ZCCHC7: variants seen among roughly 807,000 people sequenced by gnomAD.
ZCCHC7 encodes the protein zinc finger CCHC-type containing 7, also known as zinc finger CCHC domain-containing protein 7.
ZCCHC7 carries 35 observed loss-of-function variants against 52.0 expected under a neutral mutation model. The observed-to-expected ratio is 0.67, with a 90% CI of 0.51 to 0.89. ZCCHC7 has a LOEUF of 0.89. ZCCHC7 is among the 40% of genes least tolerant of loss of function. ZCCHC7 has a pLI of 0.00. For missense variants in ZCCHC7, 574 were observed against 649.1 expected, an observed-to-expected ratio of 0.88 and a Z score of 1.26; for synonymous variants, 217 against 221.5, an observed-to-expected ratio of 0.98 and a Z score of 0.18.
intron 5 of ZCCHC7, among the ~76,000 whole-genome samples, chr9:37,325,103 C>G (rs1830189481): frequency 6.6e-6 from 1 of 152,178 alleles, no homozygotes; most frequent in African/African-American, 2.4e-5. Context: ...GTTGATTCAT[C>G]TTTGAATTTT....
At chr9:37,259,186 A>G (rs1826744911) in intron 2 of ZCCHC7, among the ~76,000 whole-genome samples, 2 of 152,250 alleles carry the variant, frequency 1.3e-5, no homozygotes, top group Non-Finnish European at 1.5e-5. Flanking sequence ...AGCAAGGGGA[A>G]AAGTACAGTT....
chr9:37,292,546 T>G (rs1035578711), intron 2 of ZCCHC7, among the ~76,000 whole-genome samples: 1 of 152,142 alleles, frequency 6.6e-6, no homozygotes, highest in Non-Finnish European at 1.5e-5. Flanking sequence ...GAAATTCAGA[T>G]AGGGTGTTAT....
intron 2 of ZCCHC7, among the ~76,000 whole-genome samples, chr9:37,200,091 T>C (rs2133157222): frequency 6.6e-6 from 1 of 152,314 alleles, no homozygotes; most frequent in African/African-American, 2.4e-5. Flanking sequence ...ATTCTCTCTT[T>C]TGATTGGGTT....
intron 2 of ZCCHC7, among the ~76,000 whole-genome samples, chr9:37,156,339 T>C (rs1820813131): frequency 6.6e-6 from 1 of 152,228 alleles, no homozygotes; most frequent in Admixed American, 6.5e-5. Flanking sequence ...TGGTTTAATA[T>C]GTTGCTATTA....
rs1481897426 is a variant in ZCCHC7 at position 37,126,293 on chromosome 9, A to T, written c.-21-19A>T. On this transcript the variant is annotated intron_variant, in intron 1 of 8. Coordinates refer to ENST00000336755, the MANE Select transcript of ZCCHC7 (RefSeq NM_032226.3). ...TGAACTTTTAAAGTATATTCTGTGT[A>T]CAACTTTCTCTTTTGCAGCTTCAAG... 5 of 1,577,886 alleles carry T rather than the reference A, an allele frequency of 3.2e-6. No individual in the cohort carries two copies. Among genetic ancestry groups the T allele is most frequent in the Non-Finnish European group, 4.3e-6 (5 of 1,164,822 alleles).
At chr9:37,337,486 G>GGTCGATAGCATT (rs2118409707) in intron 6 of ZCCHC7, among the ~76,000 whole-genome samples, 1 of 148,408 alleles carries the variant, frequency 6.7e-6, no homozygotes, top group East Asian at 2.0e-4. Context: ...TGCATGGGCA[G>GGTCGATAGCATT]ACAAGGTCGA....
intron 5 of ZCCHC7, among the ~76,000 whole-genome samples, chr9:37,321,011 T>A (rs308500): frequency 1.5e-5 from 2 of 136,644 alleles, no homozygotes; most frequent in Admixed American, 7.5e-5. Flanking sequence ...TTTTTTGAGA[T>A]GGAATCTCAC....
At chr9:37,178,590 A>G (rs896748085) in intron 2 of ZCCHC7, among the ~76,000 whole-genome samples, 2 of 152,224 alleles carry the variant, frequency 1.3e-5, no homozygotes, top group African/African-American at 2.4e-5. Flanking sequence ...TCTTATAGTT[A>G]TGATATAAAA....
chr9:37,171,130 A>G lies in ZCCHC7; in HGVS notation c.610+44188A>G, dbSNP rs531286553. On this transcript the variant is annotated intron_variant, in intron 2 of 8. Transcript: ENST00000336755. ...ATGATTTTTAGATTTTACTTGGGGT[A>G]AAATTGGAAGCGACACCTTAAAAAG... Among the ~76,000 whole-genome samples the G allele has an allele frequency of 1.2e-4, 19 of 152,360 alleles. No homozygotes were observed. The East Asian group carries it at 3.5e-3, about 28-fold the overall frequency.
At chr9:37,229,017 G>A (rs1825266741) in intron 2 of ZCCHC7, among the ~76,000 whole-genome samples, 1 of 151,744 alleles carries the variant, frequency 6.6e-6, no homozygotes, top group African/African-American at 2.4e-5. Flanking sequence ...TTGTATTTTA[G>A]TAGAGAAAGG....
chr9:37,280,750 C>G (rs74527710), intron 2 of ZCCHC7, among the ~76,000 whole-genome samples: 4,564 of 152,082 alleles, frequency 0.03, 239 homozygotes, highest in African/African-American at 0.1. Context: ...CTCTCTGTCT[C>G]TCTCTCTCTC....
chr9:37,336,114 G>T (rs1588688333), intron 6 of ZCCHC7, among the ~76,000 whole-genome samples: 1 of 152,222 alleles, frequency 6.6e-6, no homozygotes, highest in African/African-American at 2.4e-5. Context: ...TAGCATAGCA[G>T]TTTTTTGCAC....
At position 37,305,662 on chromosome 9, in the gene ZCCHC7, A is replaced by G. The variant is rs773871319; in HGVS notation, c.899A>G (p.His300Arg). The G allele has an allele frequency of 6.2e-6, 10 of 1,614,144 alleles. No individual in the cohort carries two copies. The highest frequency in any genetic ancestry group is 8.5e-6 in the Non-Finnish European group (10 of 1,180,010). The change falls in exon 5 of 9, where the codon CAT becomes CGT. Residue 300 changes from histidine to arginine, a missense_variant. This residue lies in a region of ZCCHC7 where 403 missense variants were observed against 461.2 expected (regional missense o/e 0.87). Transcript: ENST00000336755. ...TTGGACCACTCATGTCTTTTCAGAC[A>G]TTCCTGGGATAAACAGTGTGACCGA... The part of the protein sequence containing the change: ...KMLDHSCLFR[H>R]SWDKQCDRCH...
At chr9:37,231,574 A>G (rs1236910071) in intron 2 of ZCCHC7, among the ~76,000 whole-genome samples, 2 of 152,222 alleles carry the variant, frequency 1.3e-5, no homozygotes, top group Non-Finnish European at 2.9e-5. Flanking sequence ...TTATAACTCA[A>G]CATTAAGTTG....
chr9:37,216,102 C>A (rs553221823), intron 2 of ZCCHC7, among the ~76,000 whole-genome samples: 1 of 152,236 alleles, frequency 6.6e-6, no homozygotes, highest in African/African-American at 2.4e-5. Context: ...TTAAACTGTT[C>A]CTGACATCCT....
At chr9:37,144,177 CATTTT>C (rs1277213808) in intron 2 of ZCCHC7, among the ~76,000 whole-genome samples, 1 of 151,744 alleles carries the variant, frequency 6.6e-6, no homozygotes. Flanking sequence ...TAAGGCCTAG[CATTTT>C]ATTTTATTTA....
rs1291927421 is a variant in ZCCHC7, at chr9:37,248,104, A to G, written c.611-54084A>G. Among the ~76,000 whole-genome samples the G allele has an allele frequency of 1.3e-5, 2 of 152,166 alleles. 1 individual carries two copies. The highest frequency in any genetic ancestry group is 4.8e-5 in the African/African-American group (2 of 41,444). ...TATGAATGTGTTAAAAATTATTTTT[A>G]GTGTTTTATATATAAGCCAGCATAA... is the stretch of plus-strand genomic sequence containing the variant. On this transcript the variant is annotated intron_variant, in intron 2 of 8. Transcript: ENST00000336755.
At chr9:37,317,771 A>G (rs1829884227) in intron 5 of ZCCHC7, among the ~76,000 whole-genome samples, 1 of 152,250 alleles carries the variant, frequency 6.6e-6, no homozygotes, top group Admixed American at 6.5e-5. Flanking sequence ...AAATACATCA[A>G]TTATAACAAT....
chr9:37,180,990 G>T (rs998480509), intron 2 of ZCCHC7, among the ~76,000 whole-genome samples: 1 of 152,044 alleles, frequency 6.6e-6, no homozygotes, highest in African/African-American at 2.4e-5. Context: ...AGAAGTTTTT[G>T]CCATAGTGCT....
Sources: allele counts gnomAD v4.1 joint callset (sites outside exome capture counted in the v4.1 genomes callset), GRCh38; gene constraint gnomAD v4.1.1; regional missense constraint gnomAD v4.1.1; transcripts MANE v1.5; gene names NCBI Gene and HGNC (gene_info 2026-07-23, HGNC 2026-07-21).